BTNL8: variants seen among roughly 807,000 people sequenced by gnomAD.
BTNL8 encodes butyrophilin like 8, also known as butyrophilin-like protein 8.
BTNL8 carries 22 observed loss-of-function variants against 36.1 expected under a neutral mutation model. The ratio of observed to expected loss-of-function variants is 0.61; its 90% confidence interval spans 0.44 to 0.87. The LOEUF is 0.87. Ranked by LOEUF, BTNL8 falls within the 40% of genes least tolerant of loss-of-function variation. BTNL8 has a pLI of 0.00. For synonymous variants in BTNL8, 203 were observed against 235.6 expected (o/e 0.86, Z 1.27); for missense variants, 526 against 616.9 (o/e 0.85, Z 1.56).
intron 3 of BTNL8, among the ~76,000 whole-genome samples, chr5:180,914,028 C>T (rs1340633836): frequency 6.6e-6 from 1 of 152,192 alleles, no homozygotes; most frequent in African/African-American, 2.4e-5. Flanking sequence ...TCATCAGGCT[C>T]AAGCACATAA....
At chr5:180,936,946 CTGGAACAG>C (rs1437001629) in intron 3 of BTNL8, among the ~76,000 whole-genome samples, 1 of 152,218 alleles carries the variant, frequency 6.6e-6, no homozygotes, top group African/African-American at 2.4e-5. Flanking sequence ...ATACCACCCC[CTGGAACAG>C]TGGAGGCACC....
intron 3 of BTNL8, chr5:180,945,824 C>T: frequency 2.0e-6 from 1 of 504,830 alleles, no homozygotes; most frequent in Non-Finnish European, 4.0e-6. Context: ...CTTGTCGAGT[C>T]TGATCCGGAA....
At chr5:180,930,218 A>G (rs1375708986) in intron 3 of BTNL8, among the ~76,000 whole-genome samples, 1 of 152,230 alleles carries the variant, frequency 6.6e-6, no homozygotes, top group East Asian at 1.9e-4. Flanking sequence ...CAAAAACATT[A>G]TCTCAATAGA....
At chr5:180,912,825 G>A (rs758286880) in intron 3 of BTNL8, among the ~76,000 whole-genome samples, 2 of 152,192 alleles carry the variant, frequency 1.3e-5, no homozygotes, top group Non-Finnish European at 2.9e-5. Flanking sequence ...TCAAACATGT[G>A]TGTCGACCTA....
intron 3 of BTNL8, among the ~76,000 whole-genome samples, chr5:180,927,523 C>T (rs1758161249): frequency 6.6e-6 from 1 of 152,080 alleles, no homozygotes; most frequent in South Asian, 2.1e-4. Flanking sequence ...TGGGTAATAG[C>T]AAACTCCTTT....
At chr5:180,914,981 C>G (rs1757558185) in intron 3 of BTNL8, among the ~76,000 whole-genome samples, 1 of 152,198 alleles carries the variant, frequency 6.6e-6, no homozygotes, top group Non-Finnish European at 1.5e-5. Flanking sequence ...TCCAGATTCC[C>G]CAGGCTTGTG....
chr5:180,950,133 G>C lies in BTNL8; in HGVS notation c.1092G>C (p.Arg364Ser). The C allele has an allele frequency of 6.8e-7, 1 of 1,463,002 alleles. No individual in the cohort carries two copies. The highest frequency in any genetic ancestry group is 2.4e-5 in the East Asian group (1 of 40,910). The allele number at this position is 1,463,002 out of a possible 1,614,324, so 90.6% of individuals were successfully genotyped here. Residue 364 changes from arginine to serine, a missense_variant, in exon 8 of 8, where the codon AGG becomes AGC. This residue lies in a region of BTNL8 where 176 missense variants were observed against 292.3 expected (regional missense o/e 0.60). Coordinates refer to ENST00000340184, the MANE Select transcript of BTNL8 (RefSeq NM_001040462.3). ...RVGVCRDDVD[R>S]RKEYVTLSPD... The stretch of plus-strand genomic sequence containing the variant: ...GAGTGTGCCGGGATGATGTGGACAG[G>C]AGGAAGGAGTACGTGACTTTGTCTC...
chr5:180,913,995 A>G (rs1300662133), intron 3 of BTNL8, among the ~76,000 whole-genome samples: 3 of 152,254 alleles, frequency 2.0e-5, no homozygotes, highest in African/African-American at 7.2e-5. Flanking sequence ...CATTGGAAGC[A>G]CACACAGACC....
intron 1 of BTNL8, chr5:180,902,462 G>C (rs1756865049): frequency 6.7e-7 from 1 of 1,483,644 alleles, no homozygotes; most frequent in Non-Finnish European, 9.2e-7. Flanking sequence ...GTTTCCCCCT[G>C]ATGCACATCT....
At position 180,949,810 on chromosome 5, in the gene BTNL8, A is replaced by G. The variant is rs1057410034; in HGVS notation, c.863-94A>G. On this transcript the variant is annotated intron_variant, in intron 7 of 7. Coordinates refer to ENST00000340184, the MANE Select transcript of BTNL8 (RefSeq NM_001040462.3). ...GTCCGGGGCCTCACCTATGCCACCC[A>G]GAGCCAGTCTGCAGTGGGAGGGTCG... is the stretch of plus-strand genomic sequence containing the variant. 5.9e-5 allele frequency: 82 copies of G among 1,387,816 alleles called. 16 individuals carry two copies. In the Admixed American group the frequency reaches 7.0e-4, roughly 12 times the overall value. 86.0% of individuals were successfully genotyped at this position (1,387,816 alleles called of 1,614,324 possible).
chr5:180,911,935 T>C (rs1376130360), intron 3 of BTNL8, among the ~76,000 whole-genome samples: 1 of 152,204 alleles, frequency 6.6e-6, no homozygotes, highest in Non-Finnish European at 1.5e-5. Flanking sequence ...AGGATGCTTC[T>C]GTGAGGGTGT....
chr5:180,928,045 G>A (rs1031790560), intron 3 of BTNL8, among the ~76,000 whole-genome samples: 1 of 152,082 alleles, frequency 6.6e-6, no homozygotes, highest in Non-Finnish European at 1.5e-5. Flanking sequence ...GATTCACCAA[G>A]GTTGAAATGA....
At chr5:180,941,917 T>TTTTTTTTTGAGA (rs1430901477) in intron 3 of BTNL8, among the ~76,000 whole-genome samples, 3 of 151,358 alleles carry the variant, frequency 2.0e-5, no homozygotes, top group African/African-American at 7.3e-5. Flanking sequence ...CTACTCTTAT[T>TTTTTTTTTGAGA]CAACAAAGTA....
intron 3 of BTNL8, among the ~76,000 whole-genome samples, chr5:180,932,775 T>G (rs1438347183): frequency 1.3e-5 from 2 of 152,032 alleles, no homozygotes; most frequent in Non-Finnish European, 2.9e-5. Flanking sequence ...GAATTAAAAA[T>G]AAAAGATCTA....
chr5:180,922,099 C>T (rs1182191678), intron 3 of BTNL8, among the ~76,000 whole-genome samples: 1 of 151,574 alleles, frequency 6.6e-6, no homozygotes, highest in Non-Finnish European at 1.5e-5. Context: ...TCTTTATTAG[C>T]CTAGCTAGTG....
chr5:180,918,081 T>C (rs1757724190), intron 3 of BTNL8, among the ~76,000 whole-genome samples: 1 of 151,300 alleles, frequency 6.6e-6, no homozygotes, highest in Non-Finnish European at 1.5e-5. Context: ...GCCAATACTT[T>C]TCAAACTCTT....
At chr5:180,905,135 G>A (rs10479478) in intron 1 of BTNL8, among the ~76,000 whole-genome samples, 54,580 of 146,490 alleles carry the variant, frequency 0.37, 11,531 homozygotes, top group African/African-American at 0.59. Context: ...GGTAGAATTC[G>A]GCTGTGAATC....
At chr5:180,917,897 CGG>C (rs1561934250) in intron 3 of BTNL8, among the ~76,000 whole-genome samples, 1 of 151,640 alleles carries the variant, frequency 6.6e-6, no homozygotes, top group African/African-American at 2.4e-5. Flanking sequence ...GGCATGGTGG[CGG>C]GTGTGTGTAG....
chr5:180,944,152 A>G (rs1024425843), intron 3 of BTNL8, among the ~76,000 whole-genome samples: 2 of 152,218 alleles, frequency 1.3e-5, no homozygotes, highest in Admixed American at 1.3e-4. Context: ...AGGGGTTACC[A>G]GAGACTGGTG....
Sources: gnomAD v4.1 joint callset for allele counts (sites outside exome capture counted in the v4.1 genomes callset) on GRCh38, gnomAD v4.1.1 for gene constraint, gnomAD v4.1.1 regional missense constraint, MANE v1.5 for transcripts, NCBI Gene and HGNC (gene_info 2026-07-23, HGNC 2026-07-21) for gene names.